Variants in ARHGAP15 observed in about 807,000 individuals in gnomAD.
The protein encoded by ARHGAP15 is Rho GTPase activating protein 15, also known as rho GTPase-activating protein 15.
Under a neutral mutation model 63.7 loss-of-function variants are expected in ARHGAP15, and 51 were observed. The ratio of observed to expected loss-of-function variants is 0.80; its 90% CI spans 0.64 to 1.01. ARHGAP15 has a LOEUF of 1.01. Ranked by LOEUF, ARHGAP15 falls within the 50% of genes least tolerant of loss-of-function variation. The pLI, the probability that ARHGAP15 is intolerant of heterozygous loss-of-function variation, is 0.00. For synonymous variants in ARHGAP15, 191 were observed against 193.8 expected (o/e 0.99, Z 0.12); for missense variants, 560 against 564.6 (o/e 0.99, Z 0.08).
Position 143,697,196 on chromosome 2 carries a change from CAT to C in ARHGAP15, c.1139-6221_1139-6220del, listed in dbSNP as rs140054344. ...ATTCCATATATTTACAAAGCTACAACATACTGTACCCTGTTCCTACTTTTAGG... is the reference window on the plus strand; with the variant it reads ...ATTCCATATATTTACAAAGCTACAACACTGTACCCTGTTCCTACTTTTAGG... On this transcript the variant is annotated intron_variant, in intron 12 of 13. Coordinates refer to ENST00000295095, the MANE Select transcript of ARHGAP15 (RefSeq NM_018460.4). Among the ~76,000 whole-genome samples, 173 of 152,258 alleles carry C rather than the reference CAT, an allele frequency of 1.1e-3. 3 individuals carry two copies. The East Asian group carries it at 0.031, about 28-fold the overall frequency.
intron 11 of ARHGAP15, among the ~76,000 whole-genome samples, chr2:143,567,524 A>C (rs960481228): frequency 6.6e-6 from 1 of 152,152 alleles, no homozygotes; most frequent in African/African-American, 2.4e-5. Context: ...CTCCACCTGA[A>C]GTAACTGTCT....
intron 10 of ARHGAP15, among the ~76,000 whole-genome samples, chr2:143,521,553 C>T (rs1574571858): frequency 6.6e-6 from 1 of 152,074 alleles, no homozygotes; most frequent in East Asian, 1.9e-4. Context: ...ATAAAGGCGC[C>T]AAGTCTCTCA....
chr2:143,535,108 C>A (rs963523431), intron 10 of ARHGAP15, among the ~76,000 whole-genome samples: 10 of 151,890 alleles, frequency 6.6e-5, no homozygotes, highest in Non-Finnish European at 1.5e-4. Flanking sequence ...CCCTTCTCCC[C>A]CAAATTTCTA....
intron 8 of ARHGAP15, among the ~76,000 whole-genome samples, chr2:143,455,190 A>G (rs939362407): frequency 6.6e-6 from 1 of 151,936 alleles, no homozygotes; most frequent in Admixed American, 6.6e-5. Context: ...TATATGCTAA[A>G]CAAGGTGTGG....
chr2:143,221,681 T>C (rs76836120), intron 4 of ARHGAP15, among the ~76,000 whole-genome samples: 2 of 152,204 alleles, frequency 1.3e-5, no homozygotes, highest in African/African-American at 2.4e-5. Context: ...AACTTTCTTC[T>C]CCCTCGGCAT....
At chr2:143,260,958 C>G (rs1048396205) in intron 6 of ARHGAP15, among the ~76,000 whole-genome samples, 3 of 152,146 alleles carry the variant, frequency 2.0e-5, no homozygotes, top group Non-Finnish European at 4.4e-5. Context: ...CTGTCTCTTT[C>G]ATCTGTAAGT....
At chr2:143,741,043 A>G (rs555240548) in intron 13 of ARHGAP15, 2 of 152,330 alleles carry the variant, frequency 1.3e-5, no homozygotes, top group South Asian at 2.1e-4. Context: ...ACCCAAAATC[A>G]CTGAACCAAA....
At chr2:143,196,305 T>C (rs1306595407) in intron 2 of ARHGAP15, among the ~76,000 whole-genome samples, 1 of 152,026 alleles carries the variant, frequency 6.6e-6, no homozygotes, top group Non-Finnish European at 1.5e-5. Context: ...GAATTTTATA[T>C]TTCAAGTTTT....
intron 2 of ARHGAP15, among the ~76,000 whole-genome samples, chr2:143,186,883 A>T (rs1214984950): frequency 6.6e-6 from 1 of 152,228 alleles, no homozygotes; most frequent in Non-Finnish European, 1.5e-5. Context: ...CATTAGTGAG[A>T]GAGTTATTTT....
intron 2 of ARHGAP15, among the ~76,000 whole-genome samples, chr2:143,186,433 C>CTT (rs1691451264): frequency 6.6e-6 from 1 of 152,000 alleles, no homozygotes. Flanking sequence ...TAAACATGTC[C>CTT]TTTTTGCATG....
At chr2:143,138,124 T>C (rs1342322076) in intron 1 of ARHGAP15, among the ~76,000 whole-genome samples, 1 of 152,126 alleles carries the variant, frequency 6.6e-6, no homozygotes. Flanking sequence ...ATATAAATTA[T>C]TAGAGTGAGA....
At chr2:143,366,417 C>T (rs1686294903) in intron 6 of ARHGAP15, among the ~76,000 whole-genome samples, 1 of 151,984 alleles carries the variant, frequency 6.6e-6, no homozygotes, top group Non-Finnish European at 1.5e-5. Context: ...TTCTAGTTAA[C>T]AAATTTATAT....
intron 13 of ARHGAP15, among the ~76,000 whole-genome samples, chr2:143,764,773 C>A (rs1686890265): frequency 6.6e-6 from 1 of 152,190 alleles, no homozygotes; most frequent in South Asian, 2.1e-4. Context: ...TCTGCACCAA[C>A]TAAAACTATA....
chr2:143,232,723 T>C (rs1026829936), intron 5 of ARHGAP15, among the ~76,000 whole-genome samples: 1 of 152,180 alleles, frequency 6.6e-6, no homozygotes, highest in Non-Finnish European at 1.5e-5. Flanking sequence ...AACCTGCGTT[T>C]TAGTCATTAT....
chr2:143,354,988 C>T (rs944176627), intron 6 of ARHGAP15, among the ~76,000 whole-genome samples: 4 of 152,062 alleles, frequency 2.6e-5, no homozygotes, highest in Non-Finnish European at 5.9e-5. Flanking sequence ...TCATTGTAAG[C>T]GTTTTTTAAC....
In ARHGAP15 at chr2:143,672,550, G is replaced by A. The variant is rs1028503088; in HGVS notation, c.1139-30869G>A. Among the ~76,000 whole-genome samples, 8 of 152,016 alleles carry A rather than the reference G, an allele frequency of 5.3e-5. No individual in the cohort carries two copies. In the South Asian group the frequency reaches 6.2e-4, roughly 12 times the overall value. On this transcript the variant is annotated intron_variant, in intron 12 of 13. Coordinates refer to ENST00000295095, the MANE Select transcript of ARHGAP15 (RefSeq NM_018460.4). ...TTTGATTCCAAAATTTAGCAAAACCGCACTCGAGTTAAACTGGTTCAATTT... is the reference window on the plus strand; with the variant it reads ...TTTGATTCCAAAATTTAGCAAAACCACACTCGAGTTAAACTGGTTCAATTT...
Position 143,384,942 on chromosome 2 carries a change from G to A in ARHGAP15, c.475-50659G>A, listed in dbSNP as rs566858850. 8.5e-5 allele frequency among the ~76,000 whole-genome samples: 13 copies of A among 152,240 alleles called. No homozygotes were observed. In the East Asian group the frequency reaches 1.9e-3, roughly 23 times the overall value. On this transcript the variant is annotated intron_variant, in intron 6 of 13. Coordinates refer to ENST00000295095, the MANE Select transcript of ARHGAP15 (RefSeq NM_018460.4). ...ATCTTTACTTTGGAACACTGAATAAGACATTCCTTTATAGAAAGATACTTT... is the reference window on the plus strand; with the variant it reads ...ATCTTTACTTTGGAACACTGAATAAAACATTCCTTTATAGAAAGATACTTT...
chr2:143,561,383 CGGAAGAACTGACTG>C (rs1044879772), intron 11 of ARHGAP15, among the ~76,000 whole-genome samples: 8 of 152,122 alleles, frequency 5.3e-5, no homozygotes, highest in African/African-American at 1.9e-4. Flanking sequence ...GAAGCATTGC[CGGAAGAACTGACTG>C]GGAATTTTCC....
Position 143,369,362 on chromosome 2 carries a change from A to C in ARHGAP15, c.475-66239A>C, listed in dbSNP as rs370468732. On this transcript the variant is annotated intron_variant, in intron 6 of 13. Coordinates refer to ENST00000295095, the MANE Select transcript of ARHGAP15 (RefSeq NM_018460.4). ...TGTAAATATCATAAATATAATGCCA[A>C]TTTTCCTTTAAAATGGCAAATTATA... 9.9e-5 allele frequency among the ~76,000 whole-genome samples: 15 copies of C among 152,054 alleles called. No individual in the cohort carries two copies. The East Asian group carries it at 2.7e-3, about 27-fold the overall frequency.
Sources: gnomAD v4.1 joint callset for allele counts (sites outside exome capture counted in the v4.1 genomes callset) on GRCh38, gnomAD v4.1.1 for gene constraint, MANE v1.5 for transcripts, NCBI Gene and HGNC (gene_info 2026-07-23, HGNC 2026-07-21) for gene names.